The following GABRG3 variants were observed in gnomAD, a reference collection of about 807,000 sequenced individuals.
GABRG3 encodes gamma-aminobutyric acid type A receptor subunit gamma3.
Under a neutral mutation model 48.8 loss-of-function variants are expected in GABRG3, and 25 were observed. The observed-to-expected ratio is 0.51, with a 90% CI of 0.37 to 0.72. The LOEUF (loss-of-function observed/expected upper bound fraction) is 0.72, where lower values mean the gene tolerates loss of function less well. GABRG3 is among the 30% of genes least tolerant of loss of function. The pLI is 0.00. For synonymous variants in GABRG3, 227 were observed against 217.6 expected, an observed-to-expected ratio of 1.04 and a Z score of -0.38; for missense variants, 394 against 577.9, an observed-to-expected ratio of 0.68 and a Z score of 3.26.
intron 3 of GABRG3, among the ~76,000 whole-genome samples, chr15:27,298,303 G>T (rs1949888720): frequency 6.6e-6 from 1 of 152,126 alleles, no homozygotes; most frequent in African/African-American, 2.4e-5. Flanking sequence ...ATCTGAAGCA[G>T]GTCTCAATCA....
intron 3 of GABRG3, among the ~76,000 whole-genome samples, chr15:27,051,580 C>A (rs555404332): frequency 3.8e-4 from 58 of 152,264 alleles, no homozygotes; most frequent in Non-Finnish European, 7.5e-4. Flanking sequence ...AACTCTTGTC[C>A]CTTCCTCTGT....
chr15:27,004,880 G>A lies in GABRG3; in HGVS notation c.203-21874G>A, dbSNP rs528788431. 5.9e-5 allele frequency among the ~76,000 whole-genome samples: 9 copies of A among 152,282 alleles called. No individual in the cohort carries two copies. The South Asian group carries it at 1.9e-3, about 32-fold the overall frequency. ...TGATGACTGTGTGGACTGGCATTGT[G>A]AGCGGGAGTCAGCTGGGCTGGACAT... On this transcript the variant is annotated intron_variant, in intron 2 of 9. Coordinates refer to ENST00000615808, the MANE Select transcript of GABRG3 (RefSeq NM_033223.5).
chr15:27,327,627 C>G (rs889673520), intron 4 of GABRG3, among the ~76,000 whole-genome samples: 2 of 152,160 alleles, frequency 1.3e-5, no homozygotes, highest in Non-Finnish European at 1.5e-5. Flanking sequence ...ATGACGGGCC[C>G]TCTGCACTCC....
intron 3 of GABRG3, among the ~76,000 whole-genome samples, chr15:27,109,407 G>A (rs1897505368): frequency 6.6e-6 from 1 of 152,164 alleles, no homozygotes; most frequent in Non-Finnish European, 1.5e-5. Flanking sequence ...TTTGCTGAAT[G>A]TGTAACGCTA....
At chr15:27,507,809 T>G (rs1331390999) in intron 6 of GABRG3, among the ~76,000 whole-genome samples, 1 of 152,240 alleles carries the variant, frequency 6.6e-6, no homozygotes, top group Non-Finnish European at 1.5e-5. Context: ...CTTTCAGATC[T>G]GTCAGTTTTT....
At chr15:26,998,392 A>G (rs560001834) in intron 2 of GABRG3, among the ~76,000 whole-genome samples, 1 of 152,288 alleles carries the variant, frequency 6.6e-6, no homozygotes, top group Admixed American at 6.5e-5. Context: ...CCATGCCAGT[A>G]TATAATGCCA....
chr15:27,313,262 G>GTATATATATATATATATA (rs1169926074), intron 3 of GABRG3, among the ~76,000 whole-genome samples: 1 of 34,562 alleles, frequency 2.9e-5, no homozygotes, highest in Admixed American at 4.2e-4. Context: ...GTGTGTGTGT[G>GTATATATATATATATATA]TATATATATA....
chr15:27,319,641 A>G lies in GABRG3; in HGVS notation c.271-7168A>G, dbSNP rs1893351535. On this transcript the variant is annotated intron_variant, in intron 3 of 9. Coordinates refer to ENST00000615808, the MANE Select transcript of GABRG3 (RefSeq NM_033223.5). The surrounding 1 kb of genome is among the most constrained non-coding windows in gnomAD (Gnocchi z 4.4). ...AGAGGACTGGACGAGGCTGGATAAGAGGGTGTCCAGGCGTGGGCAGAGCAC... is the reference window on the plus strand; with the variant it reads ...AGAGGACTGGACGAGGCTGGATAAGGGGGTGTCCAGGCGTGGGCAGAGCAC... Among the ~76,000 whole-genome samples the G allele has an allele frequency of 1.3e-5, 2 of 152,116 alleles. No individual in the cohort carries two copies. The highest frequency in any genetic ancestry group is 4.1e-4 in the South Asian group (2 of 4,822).
intron 5 of GABRG3, among the ~76,000 whole-genome samples, chr15:27,480,166 A>G (rs532295416): frequency 2.6e-5 from 4 of 152,352 alleles, no homozygotes; most frequent in African/African-American, 7.2e-5. Context: ...CTGAAGACTG[A>G]TAGGAGAAAG....
chr15:27,274,526 AACTC>A (rs761307016), intron 3 of GABRG3, among the ~76,000 whole-genome samples: 12 of 152,152 alleles, frequency 7.9e-5, no homozygotes, highest in Non-Finnish European at 1.2e-4. Context: ...CCACAGCAAG[AACTC>A]ACTCACTACC....
At chr15:27,075,729 C>T (rs1234621116) in intron 3 of GABRG3, among the ~76,000 whole-genome samples, 3 of 152,116 alleles carry the variant, frequency 2.0e-5, no homozygotes, top group Non-Finnish European at 4.4e-5. Context: ...ATGTATAAGT[C>T]ATTTTGTTGA....
intron 2 of GABRG3, among the ~76,000 whole-genome samples, chr15:26,984,299 C>T (rs756028011): frequency 2.0e-5 from 3 of 151,956 alleles, no homozygotes; most frequent in African/African-American, 4.8e-5. Context: ...TCCCAACATA[C>T]GTGGTCCAAC....
intron 3 of GABRG3, among the ~76,000 whole-genome samples, chr15:27,202,370 C>T (rs1888713686): frequency 6.6e-6 from 1 of 152,104 alleles, no homozygotes; most frequent in Admixed American, 6.5e-5. Context: ...TTCGGTTTTC[C>T]CCACTACAAG....
intron 3 of GABRG3, among the ~76,000 whole-genome samples, chr15:27,240,313 C>T (rs1016535224): frequency 3.9e-5 from 6 of 152,176 alleles, no homozygotes; most frequent in Non-Finnish European, 8.8e-5. Context: ...GCTCAGAACC[C>T]TGGAGGTGGG....
intron 3 of GABRG3, among the ~76,000 whole-genome samples, chr15:27,231,466 G>A (rs1889798375): frequency 6.6e-6 from 1 of 152,186 alleles, no homozygotes; most frequent in South Asian, 2.1e-4. Flanking sequence ...AGAGGAGCAG[G>A]AGGCAGAAGA....
chr15:27,296,058 T>C (rs1158476736), intron 3 of GABRG3, among the ~76,000 whole-genome samples: 2 of 152,134 alleles, frequency 1.3e-5, no homozygotes, highest in African/African-American at 4.8e-5. Context: ...GGAGTAGAGC[T>C]CTTGCCCTTG....
intron 6 of GABRG3, among the ~76,000 whole-genome samples, chr15:27,517,843 T>C (rs1480453089): frequency 6.6e-6 from 1 of 152,218 alleles, no homozygotes; most frequent in Non-Finnish European, 1.5e-5. Flanking sequence ...CTTTTATTGC[T>C]TCAGGCTAAT....
At chr15:27,369,806 CAAA>C (rs34901488) in intron 5 of GABRG3, among the ~76,000 whole-genome samples, 10 of 30,272 alleles carry the variant, frequency 3.3e-4, no homozygotes, top group East Asian at 2.3e-3. Flanking sequence ...GACTCCGTCT[CAAA>C]AAAAAAAAAA....
chr15:27,073,674 A>G (rs764000278), intron 3 of GABRG3, among the ~76,000 whole-genome samples: 1 of 152,234 alleles, frequency 6.6e-6, no homozygotes, highest in Non-Finnish European at 1.5e-5. Flanking sequence ...TTGCTATTTA[A>G]TAATGTCTCC....
Sources: gnomAD v4.1 joint callset for allele counts (sites outside exome capture counted in the v4.1 genomes callset) on GRCh38, gnomAD v4.1.1 for gene constraint, Gnocchi (gnomAD v3.1) non-coding constraint, MANE v1.5 for transcripts, NCBI Gene and HGNC (gene_info 2026-07-23, HGNC 2026-07-21) for gene names.